Variants in PTN observed in about 807,000 individuals in gnomAD.
PTN encodes the protein pleiotrophin, also known as heparin affin regulatory protein.
Under a neutral mutation model 24.1 loss-of-function variants are expected in PTN, and 18 were observed. The observed-to-expected ratio is 0.75, with a 90% CI of 0.52 to 1.11. PTN has a LOEUF of 1.11. Ranked by LOEUF, PTN falls within the 50% of genes least tolerant of loss-of-function variation. PTN has a pLI of 0.00. For missense variants in PTN, 163 were observed against 198.8 expected, an observed-to-expected ratio of 0.82 and a Z score of 1.08; for synonymous variants, 78 against 68.6, an observed-to-expected ratio of 1.14 and a Z score of -0.67.
At chr7:137,310,546 C>A (rs752886097) in intron 1 of PTN, among the ~76,000 whole-genome samples, 1 of 151,786 alleles carries the variant, frequency 6.6e-6, no homozygotes, top group Non-Finnish European at 1.5e-5. Context: ...TACAGGCATG[C>A]GCCACCATGC....
chr7:137,251,116 A>G, intron 4 of PTN, 114 bp downstream of exon 4: 1 of 1,264,568 alleles, frequency 7.9e-7, no homozygotes, highest in Non-Finnish European at 1.1e-6. Context: ...GGAGTTTTTC[A>G]GTCACTTTCT....
At chr7:137,314,713 G>A (rs539343523) in intron 1 of PTN, among the ~76,000 whole-genome samples, 1 of 150,536 alleles carries the variant, frequency 6.6e-6, no homozygotes. Context: ...TCCTGCCTCA[G>A]CTTCCCAAGT....
intron 1 of PTN, among the ~76,000 whole-genome samples, chr7:137,296,586 A>C (rs1232908319): frequency 6.6e-6 from 1 of 152,058 alleles, no homozygotes; most frequent in Non-Finnish European, 1.5e-5. Context: ...ACTACTGATT[A>C]AAAATGAAAC....
At chr7:137,238,309 G>A (rs1162841333) in intron 4 of PTN, among the ~76,000 whole-genome samples, 23 of 152,142 alleles carry the variant, frequency 1.5e-4, no homozygotes, top group Non-Finnish European at 2.9e-5. Flanking sequence ...CCAGGCCAGG[G>A]CCCAGCCTGG....
intron 1 of PTN, among the ~76,000 whole-genome samples, chr7:137,307,437 CA>C (rs1809907827): frequency 1.3e-5 from 2 of 151,986 alleles, no homozygotes; most frequent in South Asian, 4.2e-4. Context: ...ATGAAAAGGC[CA>C]CCTAAACTTG....
chr7:137,339,890 T>C (rs1423199922), intron 1 of PTN, among the ~76,000 whole-genome samples: 1 of 152,160 alleles, frequency 6.6e-6, no homozygotes, highest in Non-Finnish European at 1.5e-5. Flanking sequence ...TGTTTTAAAA[T>C]TATGTTTTAG....
intron 4 of PTN, among the ~76,000 whole-genome samples, chr7:137,241,408 T>TCTCC (rs2128869207): frequency 1.3e-5 from 2 of 152,268 alleles, no homozygotes; most frequent in South Asian, 4.1e-4. Context: ...CACACTAAGC[T>TCTCC]CTCCGTAAAT....
intron 3 of PTN, 70 bp from the exon 4 acceptor site, chr7:137,251,461 C>A: frequency 6.6e-7 from 1 of 1,514,138 alleles, no homozygotes; most frequent in Non-Finnish European, 9.0e-7. Flanking sequence ...AATAAAGGCA[C>A]ACTTTTGTTT....
intron 1 of PTN, among the ~76,000 whole-genome samples, chr7:137,274,948 G>T (rs1291835643): frequency 6.6e-6 from 1 of 152,158 alleles, no homozygotes; most frequent in Non-Finnish European, 1.5e-5. Context: ...CAAAGTAGTC[G>T]ATTTCTTTTA....
intron 4 of PTN, among the ~76,000 whole-genome samples, chr7:137,247,101 T>C (rs1808736502): frequency 6.6e-6 from 1 of 152,176 alleles, no homozygotes; most frequent in Admixed American, 6.5e-5. Context: ...TACTCTTTCC[T>C]GAAGGAAGAA....
intron 1 of PTN, among the ~76,000 whole-genome samples, chr7:137,322,754 G>T (rs1810184988): frequency 6.6e-6 from 1 of 151,918 alleles, no homozygotes; most frequent in Admixed American, 6.6e-5. Flanking sequence ...TCCGTGCCTT[G>T]GCAAATCATC....
At chr7:137,282,214 G>C (rs1809484638) in intron 1 of PTN, among the ~76,000 whole-genome samples, 1 of 152,198 alleles carries the variant, frequency 6.6e-6, no homozygotes, top group Non-Finnish European at 1.5e-5. Flanking sequence ...TGTGGTAGAA[G>C]AGAGCTATCA....
chr7:137,295,627 G>T (rs1377817675), intron 1 of PTN, among the ~76,000 whole-genome samples: 2 of 151,814 alleles, frequency 1.3e-5, no homozygotes, highest in Non-Finnish European at 2.9e-5. Context: ...GATTTAGATG[G>T]TAAAAATATT....
At chr7:137,251,446 A>T in intron 3 of PTN, 55 bp from the exon 4 acceptor site, 1 of 1,550,504 alleles carries the variant, frequency 6.4e-7, no homozygotes, top group South Asian at 1.2e-5. Context: ...TCGTACTTCC[A>T]GGATAATAAA....
intron 1 of PTN, among the ~76,000 whole-genome samples, chr7:137,279,213 A>G (rs1013209031): frequency 6.6e-6 from 1 of 152,138 alleles, no homozygotes; most frequent in Non-Finnish European, 1.5e-5. Flanking sequence ...AATAAATCAT[A>G]GCTAGTGATG....
At chr7:137,275,941 G>C (rs1415764969) in intron 1 of PTN, among the ~76,000 whole-genome samples, 1 of 152,182 alleles carries the variant, frequency 6.6e-6, no homozygotes, top group African/African-American at 2.4e-5. Context: ...TATTTGTTCA[G>C]ATGAAGTGAC....
At chr7:137,232,147 G>A (rs935194529) in intron 4 of PTN, among the ~76,000 whole-genome samples, 18 of 151,820 alleles carry the variant, frequency 1.2e-4, no homozygotes, top group African/African-American at 2.2e-4. Context: ...ATAACACCCC[G>A]GGCCACATGT....
At chr7:137,285,231 A>C (rs1457108803) in intron 1 of PTN, among the ~76,000 whole-genome samples, 1 of 152,172 alleles carries the variant, frequency 6.6e-6, no homozygotes, top group African/African-American at 2.4e-5. Flanking sequence ...ATTCCTAGCA[A>C]CTCATGCATA....
intron 1 of PTN, among the ~76,000 whole-genome samples, chr7:137,321,550 G>A (rs1447919716): frequency 1.3e-5 from 2 of 152,178 alleles, no homozygotes; most frequent in Non-Finnish European, 2.9e-5. Flanking sequence ...GATGCTCAAA[G>A]ATATTTTATA....
Sources: allele counts gnomAD v4.1 joint callset (sites outside exome capture counted in the v4.1 genomes callset), GRCh38; gene constraint gnomAD v4.1.1; transcripts MANE v1.5; gene names NCBI Gene and HGNC (gene_info 2026-07-23, HGNC 2026-07-21).